Variants in EIF3K observed in about 807,000 individuals in gnomAD.
The protein encoded by EIF3K is eukaryotic translation initiation factor 3 subunit K.
Under a neutral mutation model 34.2 loss-of-function variants are expected in EIF3K, and 27 were observed. The observed-to-expected ratio is 0.79, with a 90% CI of 0.58 to 1.09. The LOEUF (loss-of-function observed/expected upper bound fraction) is 1.09. Ranked by LOEUF, EIF3K falls within the 50% of genes least tolerant of loss-of-function variation. EIF3K has a pLI of 0.00. For synonymous variants in EIF3K, 105 were observed against 105.7 expected, an observed-to-expected ratio of 0.99 and a Z score of 0.04; for missense variants, 232 against 275.4, an observed-to-expected ratio of 0.84 and a Z score of 1.11.
At chr19:38,630,192 C>T (rs1266500829) in intron 4 of EIF3K, among the ~76,000 whole-genome samples, 9 of 150,540 alleles carry the variant, frequency 6.0e-5, no homozygotes, top group African/African-American at 9.8e-5. Context: ...ATGGCTCTGT[C>T]GCCCAGGCTA....
Position 38,632,615 on chromosome 19 carries a change from G to A in EIF3K, c.436G>A (p.Val146Met), listed in dbSNP as rs200052604. Residue 146 changes from valine to methionine, a missense_variant, in exon 6 of 8, where the codon GTG (valine) becomes ATG (methionine). Val to Met is a conservative substitution (Grantham distance 21). Transcript: ENST00000248342. ...DSVRKFICHVVGITYQHIDRW... is the reference protein window; with the variant it reads ...DSVRKFICHVMGITYQHIDRW... ...GACCTCCACAGTTATCTGCCATGTT[G>A]TGGGTATCACTTACCAGCACATTGA... 1.3e-5 allele frequency: 21 copies of A among 1,614,004 alleles called. No individual in the cohort carries two copies. The Admixed American group carries it at 2.7e-4, about 21-fold the overall frequency.
At chr19:38,626,361 A>T in intron 4 of EIF3K, 1 of 445,950 alleles carries the variant, frequency 2.2e-6, no homozygotes, top group Non-Finnish European at 4.0e-6. Context: ...GTTGATCAGA[A>T]GTCCTCCAGT....
At chr19:38,631,909 C>G in intron 4 of EIF3K, 1 of 222,854 alleles carries the variant, frequency 4.5e-6, no homozygotes, top group Non-Finnish European at 8.6e-6. Context: ...TCCTGCACCG[C>G]CCTTAATCCA....
In EIF3K at chr19:38,630,432, C is replaced by T. The variant is rs1976040225; in HGVS notation, c.355-1998C>T. Reference sequence around the variant, plus strand: ...CAATCTCAGCTCACTGCAACCTCTGCCTCCTGGGTTCAAGTGATTCTTCTG... The same window carrying T: ...CAATCTCAGCTCACTGCAACCTCTGTCTCCTGGGTTCAAGTGATTCTTCTG... On this transcript the variant is annotated intron_variant, in intron 4 of 7. Coordinates refer to ENST00000248342, the MANE Select transcript of EIF3K (RefSeq NM_013234.4). 2.0e-5 allele frequency among the ~76,000 whole-genome samples: 3 copies of T among 151,394 alleles called. No individual in the cohort carries two copies. The South Asian group carries it at 6.2e-4, about 32-fold the overall frequency.
chr19:38,630,347 A>T (rs55688806), intron 4 of EIF3K, among the ~76,000 whole-genome samples: 35,980 of 123,660 alleles, frequency 0.29, 5,442 homozygotes, highest in South Asian at 0.4. Context: ...TTATTTATTT[A>T]TTTTTTTTTT....
intron 3 of EIF3K, 55 bp from the exon 4 acceptor site, chr19:38,625,973 T>C (rs1234532132): frequency 6.5e-6 from 10 of 1,547,912 alleles, no homozygotes; most frequent in Non-Finnish European, 8.9e-6. Flanking sequence ...AGGGGTGATC[T>C]GGGGTCCAAC....
In EIF3K at chr19:38,619,216, C is replaced by A; in HGVS notation, c.-53C>A. 1 of 1,595,484 alleles carries A rather than the reference C, an allele frequency of 6.3e-7. No individual in the cohort carries two copies. Among genetic ancestry groups the A allele is most frequent in the South Asian group, 1.1e-5 (1 of 90,184 alleles). Reference sequence around the variant, plus strand: ...TTCCTGTTCCCGTCCTTGAGGACGCCGTGCCGGGTCAGTGTTAGCCTCCAG... The same window carrying A: ...TTCCTGTTCCCGTCCTTGAGGACGCAGTGCCGGGTCAGTGTTAGCCTCCAG... On this transcript the variant is annotated 5_prime_UTR_variant, in exon 1 of 8. Transcript: ENST00000248342.
At chr19:38,621,233 G>A (rs956489390) in intron 2 of EIF3K, among the ~76,000 whole-genome samples, 14 of 150,986 alleles carry the variant, frequency 9.3e-5, no homozygotes, top group African/African-American at 3.4e-4. Context: ...ACCAATTTGG[G>A]TGACATGGCA....
intron 3 of EIF3K, among the ~76,000 whole-genome samples, chr19:38,625,591 C>T (rs915343409): frequency 6.6e-6 from 1 of 151,258 alleles, no homozygotes; most frequent in East Asian, 1.9e-4. Flanking sequence ...CTCACTACAA[C>T]CTCCTCCTCC....
chr19:38,635,973 G>A (rs902174859), intron 7 of EIF3K, among the ~76,000 whole-genome samples: 1 of 152,198 alleles, frequency 6.6e-6, no homozygotes, highest in Non-Finnish European at 1.5e-5. Flanking sequence ...GGTACAACGT[G>A]GTTTCTTAAC....
Position 38,619,304 on chromosome 19 carries a change from C to T in EIF3K, c.36C>T (p.Gly12=). 1 of 1,614,062 alleles carries T rather than the reference C, an allele frequency of 6.2e-7. No homozygotes were observed. The highest frequency in any genetic ancestry group is 8.5e-7 in the Non-Finnish European group (1 of 1,179,962). Residue 12 remains glycine, a synonymous_variant, in exon 1 of 8, where the codon GGC becomes GGT. Coordinates refer to ENST00000248342, the MANE Select transcript of EIF3K (RefSeq NM_013234.4). ...TTGAGCAGATGAGAGCCAACGTGGG[C>T]AAGTTGCTCAAGGGTATCGACAGGT... ...AMFEQMRANV[G]KLLKGIDRYN...
intron 4 of EIF3K, among the ~76,000 whole-genome samples, chr19:38,627,905 C>CTTTTTTTTTTTTTTTTTTTTTT (rs60551864): frequency 7.1e-6 from 1 of 140,250 alleles, no homozygotes; most frequent in African/African-American, 2.7e-5. Context: ...ATTTTCTTTC[C>CTTTTTTTTTTTTTTTTTTTTTT]TTTTTTTTTT....
At chr19:38,626,172 A>G (rs1975947096) in intron 4 of EIF3K, 70 bp downstream of exon 4, 1 of 1,388,182 alleles carries the variant, frequency 7.2e-7, no homozygotes, top group African/African-American at 1.4e-5. Flanking sequence ...AAAAGTAACA[A>G]CGGTGCACAC....
At chr19:38,628,836 GA>G (rs1490811135) in intron 4 of EIF3K, among the ~76,000 whole-genome samples, 1 of 151,538 alleles carries the variant, frequency 6.6e-6, no homozygotes, top group Non-Finnish European at 1.5e-5. Flanking sequence ...AAAAAAAAGA[GA>G]AAAAATGTCG....
chr19:38,620,544 C>A, intron 2 of EIF3K, 109 bp downstream of exon 2: 1 of 937,198 alleles, frequency 1.1e-6, no homozygotes, highest in Non-Finnish European at 1.7e-6. Context: ...TGCAGCATCT[C>A]TTGGTGTGCA....
Position 38,620,140 on chromosome 19 carries a change from G to A in EIF3K, c.60-197G>A, listed in dbSNP as rs747107545. Among the ~76,000 whole-genome samples, 83 of 152,310 alleles carry A rather than the reference G, an allele frequency of 5.4e-4. 1 individual carries two copies. The highest frequency in any genetic ancestry group is 7.2e-4 in the Non-Finnish European group (49 of 68,028). On this transcript the variant is annotated intron_variant, in intron 1 of 7. Coordinates refer to ENST00000248342, the MANE Select transcript of EIF3K (RefSeq NM_013234.4). ...GGCTCCAGTGGAGTTTAGAGCTTAG[G>A]CGAGAGGTCTGGGATAAGAATAAGT...
intron 1 of EIF3K, 113 bp from the exon 2 acceptor site, chr19:38,620,224 C>T (rs1975809084): frequency 2.5e-6 from 2 of 812,092 alleles, no homozygotes; most frequent in Admixed American, 2.2e-5. Flanking sequence ...TGGCCAGTGC[C>T]AGATTTAGAG....
chr19:38,628,900 C>T (rs1976003439), intron 4 of EIF3K, among the ~76,000 whole-genome samples: 2 of 152,158 alleles, frequency 1.3e-5, no homozygotes, highest in Non-Finnish European at 2.9e-5. Flanking sequence ...CCTTCCCCAA[C>T]TCCTGGATGT....
At chr19:38,633,011 C>T in intron 6 of EIF3K, 1 of 267,554 alleles carries the variant, frequency 3.7e-6, no homozygotes, top group Non-Finnish European at 7.1e-6. Context: ...GTGGTGATTC[C>T]TGTCATGAAG....
Sources: allele counts gnomAD v4.1 joint callset (sites outside exome capture counted in the v4.1 genomes callset), GRCh38; gene constraint gnomAD v4.1.1; transcripts MANE v1.5; gene names NCBI Gene and HGNC (gene_info 2026-07-23, HGNC 2026-07-21).